EML6: variants seen among roughly 807,000 people sequenced by gnomAD.
EML6 encodes echinoderm microtubule-associated protein-like 6.
In EML6, 154 loss-of-function variants were observed where a neutral mutation model predicts 240.1. The observed-to-expected ratio is 0.64, with a 90% CI of 0.56 to 0.73. The LOEUF is 0.73. EML6 is among the 30% of genes least tolerant of loss of function. EML6 has a pLI of 0.00. For missense variants in EML6, 2,964 were observed against 2,474.6 expected, an observed-to-expected ratio of 1.20 and a Z score of -4.20; for synonymous variants, 1,148 against 899.0, an observed-to-expected ratio of 1.28 and a Z score of -4.95.
At chr2:54,952,731 C>T in intron 31 of EML6, 39 bp downstream of exon 31, 1 of 1,380,884 alleles carries the variant, frequency 7.2e-7, no homozygotes, top group East Asian at 2.5e-5. Flanking sequence ...TCCCAGCTTG[C>T]AGGGACGCTG....
rs78755833 is a variant in EML6 at position 54,909,075 on chromosome 2, A to G, written c.3410-1879A>G. ...TAAGTGAAGTATGATCTTTGAAACTATGGTGTAAAGTGAGTTGTTGGGATT... is the reference window on the plus strand; with the variant it reads ...TAAGTGAAGTATGATCTTTGAAACTGTGGTGTAAAGTGAGTTGTTGGGATT... On this transcript the variant is annotated intron_variant, in intron 24 of 41. Transcript: ENST00000356458. 5.9e-5 allele frequency among the ~76,000 whole-genome samples: 9 copies of G among 152,332 alleles called. No homozygotes were observed. The East Asian group carries it at 1.7e-3, about 29-fold the overall frequency.
Position 54,903,069 on chromosome 2 carries a change from T to G in EML6, c.3150T>G (p.Pro1050=). ...KKGGRCCAFS[P]DGKALAVGLN... ...GTGGAAGATGCTGTGCCTTTTCCCCTGATGGGAAAGCCTTAGCGGTTGGCT... is the reference window on the plus strand; with the variant it reads ...GTGGAAGATGCTGTGCCTTTTCCCCGGATGGGAAAGCCTTAGCGGTTGGCT... Residue 1050 remains proline, a synonymous_variant, in exon 23 of 42, where the codon CCT becomes CCG. Coordinates refer to ENST00000356458, the MANE Select transcript of EML6 (RefSeq NM_001039753.4). The G allele has an allele frequency of 1.3e-6, 2 of 1,551,732 alleles. No homozygotes were observed. Among genetic ancestry groups the G allele is most frequent in the Non-Finnish European group, 1.7e-6 (2 of 1,146,980 alleles).
intron 2 of EML6, among the ~76,000 whole-genome samples, chr2:54,811,580 T>G (rs1341972054): frequency 6.8e-6 from 1 of 147,024 alleles, no homozygotes; most frequent in African/African-American, 2.4e-5. Context: ...AAGATAGCAG[T>G]GTGATTTCTG....
chr2:54,780,457 G>A (rs1422863280), intron 2 of EML6, among the ~76,000 whole-genome samples: 1 of 152,144 alleles, frequency 6.6e-6, no homozygotes, highest in East Asian at 1.9e-4. Flanking sequence ...CTTTGCACAT[G>A]CTTGCTTTCT....
chr2:54,735,537 G>T (rs532955328), intron 2 of EML6, among the ~76,000 whole-genome samples: 1 of 152,148 alleles, frequency 6.6e-6, no homozygotes, highest in Non-Finnish European at 1.5e-5. Flanking sequence ...ACTGATTATT[G>T]CTGTGTTCTT....
At chr2:54,886,157 C>CTT (rs1558650389) in intron 17 of EML6, among the ~76,000 whole-genome samples, 36 of 115,264 alleles carry the variant, frequency 3.1e-4, no homozygotes, top group Non-Finnish European at 5.9e-4. Context: ...TTTTTTTAAC[C>CTT]TTCTTTTTTT....
In EML6 at chr2:54,847,528, C is replaced by CATGGA. The variant is rs1386293087; in HGVS notation, c.1094_1098dup (p.Glu367TrpfsTer8). Reference sequence around the variant, plus strand: ...ATCATGCCTTGATCGCCCGCTGTAACATGGAAGAGGCGGTTCGCAGTGTAG... The same window carrying CATGGA: ...ATCATGCCTTGATCGCCCGCTGTAACATGGAATGGAAGAGGCGGTTCGCAGTGTAG... On this transcript the variant is annotated frameshift_variant, in exon 9 of 42. Coordinates refer to ENST00000356458, the MANE Select transcript of EML6 (RefSeq NM_001039753.4). LOFTEE classifies it high-confidence loss of function. 1.9e-6 allele frequency: 3 copies of CATGGA among 1,552,120 alleles called. No homozygotes were observed. Among genetic ancestry groups the CATGGA allele is most frequent in the Non-Finnish European group, 2.6e-6 (3 of 1,147,094 alleles).
At chr2:54,803,187 G>A (rs1670274476) in intron 2 of EML6, among the ~76,000 whole-genome samples, 1 of 152,206 alleles carries the variant, frequency 6.6e-6, no homozygotes, top group South Asian at 2.1e-4. Context: ...AAAAGCCAGA[G>A]CTCCGTGTGA....
chr2:54,891,728 T>C (rs1418188853), intron 18 of EML6, among the ~76,000 whole-genome samples: 3 of 152,212 alleles, frequency 2.0e-5, no homozygotes, highest in African/African-American at 4.8e-5. Flanking sequence ...CCCTAACTTA[T>C]TATGCACAAA....
intron 2 of EML6, among the ~76,000 whole-genome samples, chr2:54,746,643 G>A (rs1054435073): frequency 1.3e-5 from 2 of 152,118 alleles, no homozygotes; most frequent in Non-Finnish European, 2.9e-5. Flanking sequence ...TTTTTTCTGA[G>A]TTATAGCATC....
intron 16 of EML6, among the ~76,000 whole-genome samples, chr2:54,878,371 C>G (rs910922700): frequency 6.6e-6 from 1 of 152,102 alleles, no homozygotes; most frequent in Admixed American, 6.5e-5. Context: ...TATACTGATG[C>G]AGGATGAGCT....
At chr2:54,846,002 G>T (rs1201812685) in intron 8 of EML6, among the ~76,000 whole-genome samples, 1 of 152,234 alleles carries the variant, frequency 6.6e-6, no homozygotes, top group Non-Finnish European at 1.5e-5. Context: ...TCTATCTTCA[G>T]ATGTTTCATT....
At chr2:54,756,743 T>C (rs1667749119) in intron 2 of EML6, among the ~76,000 whole-genome samples, 1 of 152,096 alleles carries the variant, frequency 6.6e-6, no homozygotes, top group African/African-American at 2.4e-5. Context: ...TGGGTCATTA[T>C]TCCTGGCATA....
Position 54,789,147 on chromosome 2 carries a change from C to T in EML6, c.198-24085C>T, listed in dbSNP as rs164942. ...ATAAATAGCTTCTGGAAGATACTTG[C>T]GTAAACAAACAAAAACAGCAAAAAC... On this transcript the variant is annotated intron_variant, in intron 2 of 41. Coordinates refer to ENST00000356458, the MANE Select transcript of EML6 (RefSeq NM_001039753.4). 4.8e-3 allele frequency among the ~76,000 whole-genome samples: 728 copies of T among 152,170 alleles called. 6 individuals carry two copies. Among genetic ancestry groups the T allele is most frequent in the African/African-American group, 0.017 (689 of 41,498 alleles).
chr2:54,834,008 C>A (rs2104215241), intron 7 of EML6, among the ~76,000 whole-genome samples: 1 of 152,250 alleles, frequency 6.6e-6, no homozygotes, highest in Admixed American at 6.5e-5. Context: ...AGTCCAAAAT[C>A]CACATTTTTC....
At chr2:54,749,369 T>C (rs1019573434) in intron 2 of EML6, among the ~76,000 whole-genome samples, 2 of 152,146 alleles carry the variant, frequency 1.3e-5, no homozygotes, top group African/African-American at 4.8e-5. Flanking sequence ...AATAATCTTA[T>C]ATTCAAATAT....
intron 8 of EML6, 73 bp from the exon 9 acceptor site, chr2:54,847,413 C>T: frequency 6.7e-7 from 1 of 1,496,556 alleles, no homozygotes; most frequent in Non-Finnish European, 9.0e-7. Context: ...GTGAGCAGCC[C>T]TTCTTGCCTT....
At chr2:54,773,310 C>T (rs962532979) in intron 2 of EML6, among the ~76,000 whole-genome samples, 11 of 152,348 alleles carry the variant, frequency 7.2e-5, no homozygotes, top group South Asian at 2.1e-4. Context: ...AGCCCAAAGC[C>T]GGGGCAGCAA....
At chr2:54,789,443 G>A (rs962216311) in intron 2 of EML6, among the ~76,000 whole-genome samples, 2 of 144,266 alleles carry the variant, frequency 1.4e-5, no homozygotes, top group Non-Finnish European at 1.5e-5. Flanking sequence ...GAACCCGGGA[G>A]GCGGAGCTTG....
Sources: allele counts gnomAD v4.1 joint callset (sites outside exome capture counted in the v4.1 genomes callset), GRCh38; gene constraint gnomAD v4.1.1; transcripts MANE v1.5; gene names NCBI Gene and HGNC (gene_info 2026-07-23, HGNC 2026-07-21).